The following DYNC2H1 variants were observed in gnomAD, a reference collection of about 807,000 sequenced individuals.
DYNC2H1 encodes the protein dynein cytoplasmic 2 heavy chain 1.
Under a neutral mutation model 570.0 loss-of-function variants are expected in DYNC2H1, and 410 were observed. The observed-to-expected ratio is 0.72, with a 90% CI of 0.66 to 0.78. The LOEUF (loss-of-function observed/expected upper bound fraction) is 0.78, where lower values mean the gene tolerates loss of function less well. Among genes scored for constraint, DYNC2H1 ranks in the 30% least tolerant of loss-of-function variants. DYNC2H1 has a pLI of 0.00. For missense variants in DYNC2H1, 4,865 were observed against 5,046.4 expected, an observed-to-expected ratio of 0.96 and a Z score of 1.09; for synonymous variants, 1,688 against 1,677.6, an observed-to-expected ratio of 1.01 and a Z score of -0.15.
intron 83 of DYNC2H1, among the ~76,000 whole-genome samples, chr11:103,384,290 T>C (rs574583675): frequency 2.6e-5 from 4 of 152,242 alleles, no homozygotes; most frequent in Non-Finnish European, 1.5e-5. Context: ...TTAGCGCTTA[T>C]GTTTTTCCTA....
Position 103,479,631 on chromosome 11 carries a change from T to A in DYNC2H1, c.*378T>A, listed in dbSNP as rs1409835513. 1 of 158,078 alleles carries A rather than the reference T, an allele frequency of 6.3e-6. No individual in the cohort carries two copies. Among genetic ancestry groups the A allele is most frequent in the African/African-American group, 2.4e-5 (1 of 41,592 alleles). 9.8% of individuals were successfully genotyped at this position (158,078 alleles called of 1,614,324 possible). A position where few individuals can be genotyped will look rare whatever the true frequency, so the allele number is the denominator to read the frequency against. On this transcript the variant is annotated 3_prime_UTR_variant, in exon 89 of 89. Coordinates refer to ENST00000375735, the MANE Select transcript of DYNC2H1 (RefSeq NM_001377.3). Reference sequence around the variant, plus strand: ...AAAAGAGCATTCATAATTTTTGCAGTCTTCCCATGACTCTTTTTACATACT... The same window carrying A: ...AAAAGAGCATTCATAATTTTTGCAGACTTCCCATGACTCTTTTTACATACT...
chr11:103,370,607 C>T (rs1022162896), intron 83 of DYNC2H1, among the ~76,000 whole-genome samples: 4 of 152,316 alleles, frequency 2.6e-5, no homozygotes, highest in East Asian at 1.9e-4. Flanking sequence ...CCCCCAGCTC[C>T]AGGTGACTCA....
chr11:103,208,877 G>C, intron 52 of DYNC2H1, among the ~76,000 whole-genome samples: 1 of 152,010 alleles, frequency 6.6e-6, no homozygotes, highest in East Asian at 1.9e-4. Flanking sequence ...AAGGAACAGG[G>C]GCAAATCAGG....
At chr11:103,333,565 G>A (rs1938941986) in intron 82 of DYNC2H1, among the ~76,000 whole-genome samples, 1 of 152,150 alleles carries the variant, frequency 6.6e-6, no homozygotes, top group Admixed American at 6.5e-5. Flanking sequence ...CCTTAAATGT[G>A]TCATTGAAAC....
At chr11:103,358,486 C>A in intron 83 of DYNC2H1, 127 bp downstream of exon 83, 2 of 593,658 alleles carry the variant, frequency 3.4e-6, no homozygotes, top group South Asian at 4.9e-5. Flanking sequence ...AAGTCATGGC[C>A]CATGACCTCC....
intron 71 of DYNC2H1, among the ~76,000 whole-genome samples, chr11:103,281,809 ACCAT>A (rs1370381107): frequency 2.0e-5 from 3 of 151,972 alleles, no homozygotes; most frequent in Non-Finnish European, 4.4e-5. Context: ...CCTACCAGAT[ACCAT>A]TTTTAAGTTT....
chr11:103,255,766 TATTTA>T (rs1865031712), intron 67 of DYNC2H1, among the ~76,000 whole-genome samples: 1 of 152,118 alleles, frequency 6.6e-6, no homozygotes, highest in South Asian at 2.1e-4. Flanking sequence ...ATTGTTTTAT[TATTTA>T]ATTATATGCT....
At position 103,117,686 on chromosome 11, in the gene DYNC2H1, A is replaced by C. The variant is rs1191190722; in HGVS notation, c.822A>C (p.Glu274Asp). The part of the protein sequence containing the change: ...QKKLGTLNLW[E>D]DPYYLVKESL... ...AGTTGGGAACTTTGAACCTGTGGGAAGATCCTTATTATCTTGTGAAAGAAA... is the reference window on the plus strand; with the variant it reads ...AGTTGGGAACTTTGAACCTGTGGGACGATCCTTATTATCTTGTGAAAGAAA... Residue 274 changes from glutamate (E) to aspartate (D), a missense_variant, in exon 6 of 89, where the codon GAA (glutamate) becomes GAC (aspartate). Coordinates refer to ENST00000375735, the MANE Select transcript of DYNC2H1 (RefSeq NM_001377.3). 1 of 1,611,752 alleles carries C rather than the reference A, an allele frequency of 6.2e-7. No individual in the cohort carries two copies. Among genetic ancestry groups the C allele is most frequent in the Admixed American group, 1.7e-5 (1 of 59,956 alleles).
chr11:103,377,103 GA>G (rs1434869059), intron 83 of DYNC2H1, among the ~76,000 whole-genome samples: 14 of 152,136 alleles, frequency 9.2e-5, no homozygotes, highest in Non-Finnish European at 1.8e-4. Flanking sequence ...TTTTGGGGTT[GA>G]ATATAATCGG....
chr11:103,174,730 C>T (rs757754118), intron 36 of DYNC2H1, among the ~76,000 whole-genome samples: 4 of 152,044 alleles, frequency 2.6e-5, no homozygotes, highest in Admixed American at 6.6e-5. Context: ...TTTCTTACTG[C>T]GTCATATCAG....
At chr11:103,466,662 A>C (rs1207629281) in intron 87 of DYNC2H1, among the ~76,000 whole-genome samples, 1 of 152,218 alleles carries the variant, frequency 6.6e-6, no homozygotes, top group Non-Finnish European at 1.5e-5. Context: ...AAGGAAAAGT[A>C]CTTGTTCTTA....
At chr11:103,372,349 A>G (rs1309881407) in intron 83 of DYNC2H1, among the ~76,000 whole-genome samples, 1 of 152,100 alleles carries the variant, frequency 6.6e-6, no homozygotes, top group Non-Finnish European at 1.5e-5. Context: ...AACATTCAGT[A>G]TGATGTTATC....
intron 5 of DYNC2H1, among the ~76,000 whole-genome samples, chr11:103,117,260 A>G (rs1404608296): frequency 6.8e-6 from 1 of 146,592 alleles, no homozygotes; most frequent in Non-Finnish European, 1.5e-5. Flanking sequence ...TATATATTTT[A>G]TATATATATA....
chr11:103,463,062 G>C (rs1429712076), intron 87 of DYNC2H1, among the ~76,000 whole-genome samples: 2 of 152,112 alleles, frequency 1.3e-5, no homozygotes, highest in Non-Finnish European at 2.9e-5. Flanking sequence ...AACACATATA[G>C]TACAAACCTT....
At chr11:103,274,985 C>A (rs550333411) in intron 70 of DYNC2H1, among the ~76,000 whole-genome samples, 1 of 151,886 alleles carries the variant, frequency 6.6e-6, no homozygotes, top group Admixed American at 6.6e-5. Flanking sequence ...ATCCCAACTA[C>A]TGGGAGGCTG....
Position 103,399,890 on chromosome 11 carries a change from G to C in DYNC2H1, c.12366+18G>C. On this transcript the variant is annotated intron_variant, in intron 84 of 88. Transcript: ENST00000375735. ...ACCAAAAGGTAAGCGAGTACTAACT[G>C]TATGTATTTTTATTTCATTGTTATA... is the stretch of plus-strand genomic sequence containing the variant. 1 of 1,591,626 alleles carries C rather than the reference G, an allele frequency of 6.3e-7. No individual in the cohort carries two copies. The highest frequency in any genetic ancestry group is 1.3e-5 in the African/African-American group (1 of 74,338).
intron 88 of DYNC2H1, among the ~76,000 whole-genome samples, chr11:103,477,241 G>A (rs1376435303): frequency 2.6e-5 from 4 of 152,156 alleles, no homozygotes; most frequent in African/African-American, 9.7e-5. Context: ...ATATACTAGA[G>A]TGTTTTGTCA....
chr11:103,208,384 A>C (rs1863020311), intron 52 of DYNC2H1, among the ~76,000 whole-genome samples: 1 of 152,156 alleles, frequency 6.6e-6, no homozygotes, highest in Admixed American at 6.6e-5. Flanking sequence ...GCCTGATAAT[A>C]TGAAAACTGA....
chr11:103,215,814 G>A lies in DYNC2H1; in HGVS notation c.8788G>A (p.Asp2930Asn). Residue 2930 changes from aspartate (D) to asparagine (N), a missense_variant, in exon 55 of 89, where the codon GAT (aspartate) becomes AAT (asparagine). Around this residue, in one of 5 missense-constraint regions of DYNC2H1, gnomAD observed 2,401 missense variants for 2,454.6 expected, o/e 0.98. Coordinates refer to ENST00000375735, the MANE Select transcript of DYNC2H1 (RefSeq NM_001377.3). ...EQSVLLKTKQDEADAALQMIT... is the reference protein window; with the variant it reads ...EQSVLLKTKQNEADAALQMIT... ...AAGTGTGTTACTTAAAACGAAGCAA[G>A]ATGAAGCAGATGCTGCCCTTCAAAT... 6.2e-7 allele frequency: 1 copy of A among 1,612,666 alleles called. No individual in the cohort carries two copies. Among genetic ancestry groups the A allele is most frequent in the Non-Finnish European group, 8.5e-7 (1 of 1,179,228 alleles).
Sources: allele counts gnomAD v4.1 joint callset (sites outside exome capture counted in the v4.1 genomes callset), GRCh38; gene constraint gnomAD v4.1.1; regional missense constraint gnomAD v4.1.1; transcripts MANE v1.5; gene names NCBI Gene and HGNC (gene_info 2026-07-23, HGNC 2026-07-21).